Variants in ZNF83 observed in about 807,000 individuals in gnomAD.
ZNF83 encodes the protein zinc finger protein 83.
For synonymous variants in ZNF83, 209 were observed against 213.0 expected, an observed-to-expected ratio of 0.98 and a Z score of 0.17; for missense variants, 552 against 629.9, an observed-to-expected ratio of 0.88 and a Z score of 1.32.
At chr19:52,655,453 T>C (rs2061492834) in intron 3 of ZNF83, 13 of 1,028,340 alleles carry the variant, frequency 1.3e-5, no homozygotes, top group South Asian at 4.3e-5. Context: ...CAATGACATG[T>C]ACATCAAAAG....
At chr19:52,627,849 C>T (rs1404898340) in intron 2 of ZNF83, among the ~76,000 whole-genome samples, 1 of 152,140 alleles carries the variant, frequency 6.6e-6, no homozygotes, top group African/African-American at 2.4e-5. Context: ...TGCACGTACA[C>T]ATCCAGATGG....
At chr19:52,663,400 C>T (rs985191130) in intron 1 of ZNF83, among the ~76,000 whole-genome samples, 1 of 152,164 alleles carries the variant, frequency 6.6e-6, no homozygotes, top group African/African-American at 2.4e-5. Flanking sequence ...TCTTCATGAA[C>T]ACATGGACTC....
chr19:52,625,328 T>C (rs1478883685), intron 2 of ZNF83, among the ~76,000 whole-genome samples: 1 of 152,058 alleles, frequency 6.6e-6, no homozygotes, highest in Non-Finnish European at 1.5e-5. Context: ...GAAAGAGGTT[T>C]CCCCCCTATG....
intron 1 of ZNF83, among the ~76,000 whole-genome samples, chr19:52,674,472 A>C (rs1347475142): frequency 6.6e-6 from 1 of 152,204 alleles, no homozygotes; most frequent in Non-Finnish European, 1.5e-5. Flanking sequence ...ATCAGAAAGA[A>C]ATAAATAAAA....
intron 2 of ZNF83, chr19:52,619,185 G>T: frequency 1.2e-6 from 2 of 1,604,012 alleles, no homozygotes; most frequent in Non-Finnish European, 8.5e-7. Flanking sequence ...TCTGAGTAAG[G>T]GATTTTTCAC....
At chr19:52,631,689 G>C (rs2060967773) in intron 2 of ZNF83, among the ~76,000 whole-genome samples, 1 of 152,098 alleles carries the variant, frequency 6.6e-6, no homozygotes, top group Non-Finnish European at 1.5e-5. Context: ...TGATCCATCT[G>C]ACATTCACAC....
At chr19:52,686,659 T>G (rs1212007812) in intron 1 of ZNF83, among the ~76,000 whole-genome samples, 1 of 152,094 alleles carries the variant, frequency 6.6e-6, no homozygotes, top group African/African-American at 2.4e-5. Flanking sequence ...CTGCAACCTC[T>G]ACCTCCCAGG....
At position 52,653,104 on chromosome 19, in the gene ZNF83, G is replaced by C. The variant is rs1600231433; in HGVS notation, c.-74+2457C>G. 8.2e-6 allele frequency: 12 copies of C among 1,460,800 alleles called. 1 individual carries two copies. In the South Asian group the frequency reaches 1.4e-4, roughly 17 times the overall value. 90.5% of individuals were successfully genotyped at this position (1,460,800 alleles called of 1,614,324 possible). A position where few individuals can be genotyped will look rare whatever the true frequency, so the allele number is the denominator to read the frequency against. On this transcript the variant is annotated intron_variant, in intron 3 of 5. Coordinates refer to the ZNF83 transcript ENST00000594682. ...ATGAATTGCCTTATGAATTAGAAGG[G>C]ATGAATTTCGAGCAAAGGTCTTGCC...
chr19:52,662,878 A>T (rs975702417), intron 1 of ZNF83, among the ~76,000 whole-genome samples: 4 of 152,114 alleles, frequency 2.6e-5, no homozygotes, highest in Non-Finnish European at 5.9e-5. Flanking sequence ...AAATTGCAGG[A>T]TGGGCCAGGT....
At chr19:52,646,093 C>T (rs1903703) in intron 3 of ZNF83, among the ~76,000 whole-genome samples, 16,623 of 151,810 alleles carry the variant, frequency 0.11, 1,029 homozygotes, top group African/African-American at 0.16. Flanking sequence ...GTGCATGCCA[C>T]CACGCCCAGC....
chr19:52,631,936 C>A (rs927967091), intron 2 of ZNF83, among the ~76,000 whole-genome samples: 2 of 36,400 alleles, frequency 5.5e-5, no homozygotes, highest in African/African-American at 1.1e-4. Flanking sequence ...ATTATTCAGG[C>A]CCCCCTCCCT....
intron 1 of ZNF83, among the ~76,000 whole-genome samples, chr19:52,662,098 C>A (rs554156233): frequency 2.0e-5 from 3 of 152,310 alleles, no homozygotes; most frequent in Admixed American, 1.3e-4. Context: ...ATATTTTTCT[C>A]CCACACTTCA....
intron 3 of ZNF83, among the ~76,000 whole-genome samples, chr19:52,644,654 T>C (rs1339115527): frequency 1.3e-5 from 2 of 152,164 alleles, no homozygotes; most frequent in Non-Finnish European, 2.9e-5. Context: ...CACACAGTTA[T>C]TGACCTTGAA....
chr19:52,629,935 C>T (rs1600186518), intron 2 of ZNF83, among the ~76,000 whole-genome samples: 1 of 152,182 alleles, frequency 6.6e-6, no homozygotes, highest in Non-Finnish European at 1.5e-5. Context: ...CAATTCCTTG[C>T]CTCCACTGTG....
Position 52,676,825 on chromosome 19 carries a change from AC to A in ZNF83, c.-283+13617del, listed in dbSNP as rs556929136. ...TGGGATCCTGTTGATCTGTGACCTT[AC>A]CCCCAACCCGGTGCTCTCTGAAACA... On this transcript the variant is annotated intron_variant, in intron 1 of 5. Transcript: ENST00000594682. Among the ~76,000 whole-genome samples the A allele has an allele frequency of 2.1e-3, 270 of 131,642 alleles. 2 individuals are homozygous for A. The highest frequency in any genetic ancestry group is 7.9e-3 in the African/African-American group (251 of 31,764). The allele number at this position is 131,642 out of a possible 152,430, so 86.4% of individuals were successfully genotyped here. A position where few individuals can be genotyped will look rare whatever the true frequency, so the allele number is the denominator to read the frequency against.
chr19:52,658,860 G>T (rs572222444), intron 2 of ZNF83, among the ~76,000 whole-genome samples: 2 of 152,268 alleles, frequency 1.3e-5, no homozygotes, highest in South Asian at 4.1e-4. Context: ...CACAGTACCT[G>T]AGCTTTAATC....
At chr19:52,649,982 C>T (rs329960) in intron 3 of ZNF83, among the ~76,000 whole-genome samples, 79,967 of 151,562 alleles carry the variant, frequency 0.53, 21,674 homozygotes, top group East Asian at 0.71. Flanking sequence ...GACAGGGGGG[C>T]CACAGAACTC....
At chr19:52,621,720 T>G (rs984332944) in intron 2 of ZNF83, among the ~76,000 whole-genome samples, 2 of 152,248 alleles carry the variant, frequency 1.3e-5, no homozygotes, top group African/African-American at 4.8e-5. Context: ...AACTCTCACC[T>G]GATCTAAAAC....
chr19:52,656,431 AG>A (rs2061505788), intron 2 of ZNF83, among the ~76,000 whole-genome samples: 2 of 152,162 alleles, frequency 1.3e-5, no homozygotes, highest in Admixed American at 1.3e-4. Flanking sequence ...AAGCCGAGGC[AG>A]GGGAATTGCT....
Sources: allele counts gnomAD v4.1 joint callset (sites outside exome capture counted in the v4.1 genomes callset), GRCh38; gene constraint gnomAD v4.1.1; transcripts MANE v1.5; gene names NCBI Gene and HGNC (gene_info 2026-07-23, HGNC 2026-07-21).